PPARGC1A: variants seen among roughly 807,000 people sequenced by gnomAD.
PPARGC1A encodes the protein peroxisome proliferator-activated receptor gamma coactivator 1-alpha.
A neutral mutation model predicts 88.7 loss-of-function variants in PPARGC1A; 25 were observed. That is an observed-to-expected ratio of 0.28 (90% CI 0.21 to 0.39). The LOEUF is 0.39. PPARGC1A is among the 10% of genes least tolerant of loss of function. The pLI is 1.00. For missense variants in PPARGC1A, 880 were observed against 968.7 expected (o/e 0.91, Z 1.22); for synonymous variants, 363 against 355.6 (o/e 1.02, Z -0.24).
At chr4:24,215,990 T>C in the PPARGC1A span, among the ~76,000 whole-genome samples, 686 of 152,244 alleles carry the variant, frequency 4.5e-3, 6 homozygotes, top group African/African-American at 0.016. Context: ...TTTGACTTTT[T>C]TTCATCTGCT....
Position 23,795,329 on chromosome 4 carries a change from A to ATTTT in PPARGC1A, c.*492_*493insAAAA, listed in dbSNP as rs1553871816. ...TATATATATATATATATATATATAT[A>ATTTT]TTTCCTTTTGAATAGAATACGAACA... On this transcript the variant is annotated 3_prime_UTR_variant, in exon 13 of 13. Coordinates refer to ENST00000264867, the MANE Select transcript of PPARGC1A (RefSeq NM_013261.5). The ATTTT allele has an allele frequency of 2.8e-4, 3 of 10,530 alleles. No homozygotes were observed. Among genetic ancestry groups the ATTTT allele is most frequent in the Admixed American group, 1.7e-3 (1 of 596 alleles). 0.7% of individuals were successfully genotyped at this position (10,530 alleles called of 1,614,324 possible).
the PPARGC1A span, among the ~76,000 whole-genome samples, chr4:24,147,836 T>A: frequency 6.6e-6 from 1 of 152,060 alleles, no homozygotes; most frequent in Non-Finnish European, 1.5e-5. Flanking sequence ...CCCAGCTACA[T>A]GGGAGGCTGA....
At chr4:24,408,257 A>G in the PPARGC1A span, among the ~76,000 whole-genome samples, 8 of 151,794 alleles carry the variant, frequency 5.3e-5, no homozygotes, top group Non-Finnish European at 4.4e-5. Context: ...GATTTCAAAC[A>G]AAGAAAAAAA....
the PPARGC1A span, among the ~76,000 whole-genome samples, chr4:24,126,654 C>T: frequency 1.3e-5 from 2 of 152,144 alleles, no homozygotes; most frequent in Non-Finnish European, 2.9e-5. Context: ...AAAGGTTACC[C>T]CATGTGTATT....
the PPARGC1A span, among the ~76,000 whole-genome samples, chr4:24,213,584 G>A: frequency 1.6e-4 from 25 of 152,122 alleles, no homozygotes; most frequent in African/African-American, 2.9e-4. Context: ...ATGACATTGC[G>A]GCCTTTTTCC....
At chr4:24,437,893 T>C in the PPARGC1A span, among the ~76,000 whole-genome samples, 1 of 152,028 alleles carries the variant, frequency 6.6e-6, no homozygotes, top group Non-Finnish European at 1.5e-5. Flanking sequence ...GCCAGGCTGG[T>C]CTCGAACTCC....
chr4:23,833,822 G>A (rs902175927), intron 2 of PPARGC1A, among the ~76,000 whole-genome samples: 16 of 152,234 alleles, frequency 1.1e-4, no homozygotes, highest in South Asian at 2.1e-4. Flanking sequence ...TCCCTCTCAC[G>A]TCCCTGGATT....
At chr4:23,972,424 A>T in the PPARGC1A span, among the ~76,000 whole-genome samples, 2 of 152,236 alleles carry the variant, frequency 1.3e-5, no homozygotes, top group Non-Finnish European at 2.9e-5. Flanking sequence ...GGGATTGCAG[A>T]TGAGGGCTTA....
At chr4:24,036,109 A>G in the PPARGC1A span, among the ~76,000 whole-genome samples, 1 of 152,234 alleles carries the variant, frequency 6.6e-6, no homozygotes, top group African/African-American at 2.4e-5. Flanking sequence ...TCGTCTGTGA[A>G]ATAGGGATAG....
the PPARGC1A span, among the ~76,000 whole-genome samples, chr4:24,339,235 T>TACACACACACACACACAC: frequency 9.1e-6 from 1 of 110,160 alleles, no homozygotes; most frequent in African/African-American, 3.7e-5. Flanking sequence ...TATATATATA[T>TACACACACACACACACAC]ATACACACAC....
chr4:24,306,565 G>C, the PPARGC1A span, among the ~76,000 whole-genome samples: 1 of 152,312 alleles, frequency 6.6e-6, no homozygotes, highest in African/African-American at 2.4e-5. Flanking sequence ...CTACACCAGA[G>C]GATGGCAAAC....
chr4:24,467,040 GAGAGAGAGAA>G, the PPARGC1A span, among the ~76,000 whole-genome samples: 2 of 92,318 alleles, frequency 2.2e-5, no homozygotes, highest in African/African-American at 7.5e-5. Flanking sequence ...GAGAAAGAGA[GAGAGAGAGAA>G]AAAGAAAGAA....
chr4:23,828,740 C>G, intron 4 of PPARGC1A, 136 bp from the exon 5 acceptor site: 1 of 729,570 alleles, frequency 1.4e-6, no homozygotes, highest in Non-Finnish European at 2.3e-6. Flanking sequence ...CTGTGAATAA[C>G]TGTTTGCAGA....
chr4:23,985,468 ATT>A, the PPARGC1A span, among the ~76,000 whole-genome samples: 3,637 of 144,168 alleles, frequency 0.025, 66 homozygotes, highest in Middle Eastern at 0.06. Flanking sequence ...TATCTCTGCA[ATT>A]TTTTTTTTTT....
chr4:24,187,982 T>C, the PPARGC1A span, among the ~76,000 whole-genome samples: 1 of 152,202 alleles, frequency 6.6e-6, no homozygotes, highest in African/African-American at 2.4e-5. Context: ...TAATTAAAGC[T>C]TGTAGGAAAA....
the PPARGC1A span, among the ~76,000 whole-genome samples, chr4:24,355,434 T>G: frequency 6.6e-6 from 1 of 152,334 alleles, no homozygotes; most frequent in African/African-American, 2.4e-5. Context: ...TGCTCATATC[T>G]TCTTGTATTG....
the PPARGC1A span, among the ~76,000 whole-genome samples, chr4:23,933,929 C>A: frequency 2.6e-5 from 4 of 152,178 alleles, no homozygotes; most frequent in African/African-American, 9.7e-5. Flanking sequence ...CTGTGTGTCT[C>A]CCAATATCCT....
the PPARGC1A span, among the ~76,000 whole-genome samples, chr4:23,909,550 G>C: frequency 6.6e-6 from 1 of 151,640 alleles, no homozygotes; most frequent in South Asian, 2.1e-4. Context: ...AGAACACATG[G>C]ATTCCTCTGG....
At chr4:24,366,994 C>A in the PPARGC1A span, among the ~76,000 whole-genome samples, 1 of 152,110 alleles carries the variant, frequency 6.6e-6, no homozygotes, top group African/African-American at 2.4e-5. Context: ...GTGGAAAAAA[C>A]ACAAAGCTGT....
Sources: gnomAD v4.1 joint callset for allele counts (sites outside exome capture counted in the v4.1 genomes callset) on GRCh38, gnomAD v4.1.1 for gene constraint, MANE v1.5 for transcripts, NCBI Gene and HGNC (gene_info 2026-07-23, HGNC 2026-07-21) for gene names.